The following ABCD4 variants were observed in gnomAD, a reference collection of about 807,000 sequenced individuals.
The protein encoded by ABCD4 is lysosomal cobalamin transporter ABCD4.
ABCD4 carries 53 observed loss-of-function variants against 86.3 expected under a neutral mutation model. That is an observed-to-expected ratio of 0.61 (90% CI 0.49 to 0.77). The LOEUF (loss-of-function observed/expected upper bound fraction) is 0.77, where lower values mean the gene tolerates loss of function less well. ABCD4 is among the 30% of genes least tolerant of loss of function. The pLI, the probability that ABCD4 is intolerant of heterozygous loss-of-function variation, is 0.00. For synonymous variants in ABCD4, 328 were observed against 313.6 expected (o/e 1.05, Z -0.49); for missense variants, 757 against 764.5 (o/e 0.99, Z 0.12).
At chr14:74,289,919 A>T in intron 13 of ABCD4, 108 bp downstream of exon 13, 1 of 1,564,582 alleles carries the variant, frequency 6.4e-7, no homozygotes, top group East Asian at 2.3e-5. Context: ...TCACCACCTC[A>T]CCTTTTGCCC....
rs1057521999 is a variant in ABCD4, at chr14:74,286,748, G to A, written c.1705C>T (p.Leu569=). 16 of 1,614,004 alleles carry A rather than the reference G, an allele frequency of 9.9e-6. No individual in the cohort carries two copies. The highest frequency in any genetic ancestry group is 1.3e-5 in the African/African-American group (1 of 74,936). ...ESELYRIGQQ[L]GMTFISVGHR... ...CCCACACTGATGAACGTCATCCCCAGCTGCTGGCCGATGCGATAGAGCTCG... is the reference window on the plus strand; with the variant it reads ...CCCACACTGATGAACGTCATCCCCAACTGCTGGCCGATGCGATAGAGCTCG... The change falls in exon 18 of 19, where the codon CTG becomes TTG. Residue 569 remains leucine (L), a synonymous_variant. Transcript: ENST00000356924.
chr14:74,290,721 G>A (rs1292950144), intron 11 of ABCD4, among the ~76,000 whole-genome samples: 3 of 129,280 alleles, frequency 2.3e-5, no homozygotes, highest in African/African-American at 9.0e-5. Context: ...AAGTCTTGCT[G>A]TCACCCAGGC....
rs1009038735 is a variant in ABCD4 at position 74,288,394 on chromosome 14, C to T, written c.1507-135G>A. 16 of 861,496 alleles carry T rather than the reference C, an allele frequency of 1.9e-5. No homozygotes were observed. In the East Asian group the frequency reaches 2.1e-4, roughly 12 times the overall value. The allele number at this position is 861,496 out of a possible 1,614,324, so 53.4% of individuals were successfully genotyped here. ...TATATGCCCCAGTGGCATACCAAGG[C>T]GGGGGACTGTGGGACAGTCTGCCCC... On this transcript the variant is annotated intron_variant, in intron 15 of 18. Coordinates refer to ENST00000356924, the MANE Select transcript of ABCD4 (RefSeq NM_005050.4).
At chr14:74,299,466 C>A (rs1567000165) in intron 3 of ABCD4, 82 bp downstream of exon 3, 1 of 1,553,074 alleles carries the variant, frequency 6.4e-7, no homozygotes, top group Non-Finnish European at 8.8e-7. Context: ...CTTCCTGCTT[C>A]CTGGAGGCTA....
intron 14 of ABCD4, 49 bp downstream of exon 14, chr14:74,289,434 G>T: frequency 6.2e-7 from 1 of 1,611,706 alleles, no homozygotes; most frequent in South Asian, 1.1e-5. Context: ...GTAGAGCAGG[G>T]ACAACCATGA....
At chr14:74,302,376 C>A (rs1246770861) in intron 1 of ABCD4, among the ~76,000 whole-genome samples, 1 of 152,044 alleles carries the variant, frequency 6.6e-6, no homozygotes, top group Non-Finnish European at 1.5e-5. Flanking sequence ...AATTCGAAAC[C>A]GCTATATAGA....
At position 74,299,580 on chromosome 14, in the gene ABCD4, G is replaced by A; in HGVS notation, c.253C>T (p.Leu85=). 1 of 1,613,924 alleles carries A rather than the reference G, an allele frequency of 6.2e-7. No homozygotes were observed. Among genetic ancestry groups the A allele is most frequent in the Non-Finnish European group, 8.5e-7 (1 of 1,179,866 alleles). ...DLEGFKTLTF[L]AVMLIVLNST... ...TTCAGAACAATGAGCATGACAGCCA[G>A]GAATGTCAGAGTCTTAAACCCTTCC... is the stretch of plus-strand genomic sequence containing the variant. The change falls in exon 3 of 19, where the codon CTG becomes TTG. Residue 85 remains leucine, a synonymous_variant. Coordinates refer to ENST00000356924, the MANE Select transcript of ABCD4 (RefSeq NM_005050.4).
rs560599732 is a variant in ABCD4 at position 74,301,772 on chromosome 14, G to C, written c.38+1103C>G. ...AAAAATTAGCTGGGTGTGGTGGCGC[G>C]CGTCTGTAATCCCAGCTACTCAGGA... On this transcript the variant is annotated intron_variant, in intron 1 of 18. Coordinates refer to ENST00000356924, the MANE Select transcript of ABCD4 (RefSeq NM_005050.4). 9.9e-5 allele frequency among the ~76,000 whole-genome samples: 15 copies of C among 152,120 alleles called. No individual in the cohort carries two copies. The East Asian group carries it at 2.9e-3, about 29-fold the overall frequency.
chr14:74,299,678 G>A lies in ABCD4; in HGVS notation c.158-3C>T. The A allele has an allele frequency of 5.0e-6, 8 of 1,610,712 alleles. No individual in the cohort carries two copies. Among genetic ancestry groups the A allele is most frequent in the Non-Finnish European group, 6.8e-6 (8 of 1,178,236 alleles). On this transcript the variant is annotated splice_region_variant and splice_polypyrimidine_tract_variant and intron_variant, in intron 2 of 18. Transcript: ENST00000356924. Reference sequence around the variant, plus strand: ...AACCTGGTAGATCACAAATTGCTCTGAAAGGAGGGAGAGGAGTAAGAAATC... The same window carrying A: ...AACCTGGTAGATCACAAATTGCTCTAAAAGGAGGGAGAGGAGTAAGAAATC...
intron 7 of ABCD4, 125 bp downstream of exon 7, chr14:74,295,023 T>C: frequency 1.7e-6 from 2 of 1,181,500 alleles, no homozygotes; most frequent in Non-Finnish European, 2.5e-6. Flanking sequence ...AGGGAGAGGG[T>C]CACAGCCAAG....
intron 11 of ABCD4, among the ~76,000 whole-genome samples, chr14:74,291,688 G>C (rs2081522864): frequency 6.6e-6 from 1 of 152,226 alleles, no homozygotes; most frequent in African/African-American, 2.4e-5. Context: ...AAAGCAAGTT[G>C]AGTGTAGGCC....
Position 74,296,668 on chromosome 14 carries a change from T to C in ABCD4, c.426-219A>G, listed in dbSNP as rs7156792. 518,525 of 529,430 alleles carry C rather than the reference T, an allele frequency of 0.98. 253,994 individuals carry two copies. The highest frequency in any genetic ancestry group is 1 in the East Asian group (30,862 of 30,862). 32.8% of individuals were successfully genotyped at this position (529,430 alleles called of 1,614,324 possible). ...TAGAGAGTTGCATCTTACGGTGCCT[T>C]AGTTAATCCCCTGAAAAAGTGGGAA... On this transcript the variant is annotated intron_variant, in intron 4 of 18. Transcript: ENST00000356924.
Position 74,291,570 on chromosome 14 carries a change from C to T in ABCD4, c.1118+717G>A, listed in dbSNP as rs76372406. Reference sequence around the variant, plus strand: ...GGATGCCTGGCTCCCCACAGAACAGCAATTCCAGTTTCCTACAGACCCTCC... The same window carrying T: ...GGATGCCTGGCTCCCCACAGAACAGTAATTCCAGTTTCCTACAGACCCTCC... On this transcript the variant is annotated intron_variant, in intron 11 of 18. Coordinates refer to ENST00000356924, the MANE Select transcript of ABCD4 (RefSeq NM_005050.4). Among the ~76,000 whole-genome samples, 988 of 152,328 alleles carry T rather than the reference C, an allele frequency of 6.5e-3. 9 individuals carry two copies. Among genetic ancestry groups the T allele is most frequent in the African/African-American group, 0.023 (936 of 41,570 alleles).
chr14:74,299,705 G>A, intron 2 of ABCD4, 30 bp from the exon 3 acceptor site: 1 of 1,595,370 alleles, frequency 6.3e-7, no homozygotes, highest in Non-Finnish European at 8.5e-7. Flanking sequence ...TAAGAAATCA[G>A]TGATGAGGGG....
chr14:74,289,866 A>G (rs1416351504), intron 13 of ABCD4, 161 bp downstream of exon 13: 1 of 1,468,916 alleles, frequency 6.8e-7, no homozygotes, highest in East Asian at 2.5e-5. Context: ...ATGGATGTGA[A>G]TAGAAGGTTC....
At position 74,286,290 on chromosome 14, in the gene ABCD4, C is replaced by T; in HGVS notation, c.*171G>A. 1 of 652,676 alleles carries T rather than the reference C, an allele frequency of 1.5e-6. No individual in the cohort carries two copies. Among genetic ancestry groups the T allele is most frequent in the Non-Finnish European group, 2.6e-6 (1 of 380,238 alleles). 40.4% of individuals were successfully genotyped at this position (652,676 alleles called of 1,614,324 possible). A position where few individuals can be genotyped will look rare whatever the true frequency, so the allele number is the denominator to read the frequency against. ...GAGATTCAGTGTCCCCCACAGAAAC[C>T]TAGACCTGGGCTCAGCCCACCACTG... On this transcript the variant is annotated 3_prime_UTR_variant, in exon 19 of 19. Coordinates refer to ENST00000356924, the MANE Select transcript of ABCD4 (RefSeq NM_005050.4).
In ABCD4 at chr14:74,293,240, T is replaced by A. The variant is rs2082019584; in HGVS notation, c.728A>T (p.His243Leu). 1 of 1,613,996 alleles carries A rather than the reference T, an allele frequency of 6.2e-7. No individual in the cohort carries two copies. The highest frequency in any genetic ancestry group is 8.5e-7 in the Non-Finnish European group (1 of 1,179,988). ...GCGGTCTGTCCTCATGTGCTCCACA[T>A]GCCCAGCTCTGACAAGGAAAGGCTG... ...AEPAAFYRAG[H>L]VEHMRTDRRL... The change falls in exon 8 of 19, where the codon CAT (histidine) becomes CTT (leucine). Residue 243 changes from histidine (H) to leucine (L), a missense_variant. Transcript: ENST00000356924.
intron 10 of ABCD4, 53 bp downstream of exon 10, chr14:74,292,498 T>C: frequency 6.2e-7 from 1 of 1,602,516 alleles, no homozygotes; most frequent in Non-Finnish European, 8.5e-7. Context: ...CAGCCACTTC[T>C]GCCAGCAGCA....
intron 4 of ABCD4, 67 bp from the exon 5 acceptor site, chr14:74,296,516 C>A (rs1383187610): frequency 1.4e-5 from 20 of 1,399,620 alleles, no homozygotes; most frequent in Non-Finnish European, 2.0e-5. Context: ...GAACAAGAAA[C>A]TTTCACATCA....
Sources: allele counts gnomAD v4.1 joint callset (sites outside exome capture counted in the v4.1 genomes callset), GRCh38; gene constraint gnomAD v4.1.1; transcripts MANE v1.5; gene names NCBI Gene and HGNC (gene_info 2026-07-23, HGNC 2026-07-21).